Variants in ADGRF5 observed in about 807,000 individuals in gnomAD.
The protein encoded by ADGRF5 is G-protein coupled receptor 116.
A neutral mutation model predicts 132.3 loss-of-function variants in ADGRF5; 75 were observed. The observed-to-expected ratio is 0.57, with a 90% CI of 0.47 to 0.69. The LOEUF (loss-of-function observed/expected upper bound fraction) is 0.69. Ranked by LOEUF, ADGRF5 falls within the 30% of genes least tolerant of loss-of-function variation. The probability of loss-of-function intolerance (pLI) is 0.00; values close to 1 mark genes in which losing one functional copy is unlikely to be tolerated. For synonymous variants in ADGRF5, 629 were observed against 597.6 expected (o/e 1.05, Z -0.77); for missense variants, 1,516 against 1,630.6 (o/e 0.93, Z 1.21).
At chr6:46,941,386 A>G (rs1778039695) in intron 1 of ADGRF5, among the ~76,000 whole-genome samples, 1 of 114,884 alleles carries the variant, frequency 8.7e-6, no homozygotes, top group Admixed American at 9.6e-5. Flanking sequence ...AAAGAAAGAA[A>G]CAAAGAAAAG....
At chr6:46,896,973 C>A (rs1676440064) in intron 3 of ADGRF5, among the ~76,000 whole-genome samples, 1 of 151,872 alleles carries the variant, frequency 6.6e-6, no homozygotes, top group Non-Finnish European at 1.5e-5. Flanking sequence ...AGGTTATATG[C>A]AAATTGACAC....
At position 46,865,065 on chromosome 6, in the gene ADGRF5, G is replaced by A; in HGVS notation, c.1967C>T (p.Ser656Phe). 6.2e-7 allele frequency: 1 copy of A among 1,608,090 alleles called. No homozygotes were observed. Among genetic ancestry groups the A allele is most frequent in the Non-Finnish European group, 8.5e-7 (1 of 1,176,280 alleles). Residue 656 changes from serine (S) to phenylalanine (F), a missense_variant, in exon 14 of 21, where the codon TCT (serine) becomes TTT (phenylalanine). Coordinates refer to ENST00000283296, the MANE Select transcript of ADGRF5 (RefSeq NM_001098518.2). ...ACCAGGAACCAGATTCAGCTTCATA[G>A]ATGGGCTCCAGACTGAATTATTAGC... is the stretch of plus-strand genomic sequence containing the variant. ...NAANNSVWSP[S>F]MKLNLVPGEN...
intron 1 of ADGRF5, among the ~76,000 whole-genome samples, chr6:46,918,191 T>C (rs142751468): frequency 1.0e-3 from 155 of 152,362 alleles, no homozygotes; most frequent in African/African-American, 3.6e-3. Context: ...TTGTGAATCA[T>C]GGTGTGCCCT....
intron 17 of ADGRF5, among the ~76,000 whole-genome samples, chr6:46,857,775 A>G (rs571624734): frequency 2.3e-5 from 1 of 43,468 alleles, no homozygotes; most frequent in Non-Finnish European, 1.0e-4. Flanking sequence ...ATGAACAAGA[A>G]AGGGGCAATC....
intron 8 of ADGRF5, among the ~76,000 whole-genome samples, chr6:46,880,253 C>T (rs1007215525): frequency 1.8e-4 from 27 of 152,114 alleles, no homozygotes; most frequent in Admixed American, 1.7e-3. Context: ...GACAGGGTTT[C>T]CCGACTGGGG....
chr6:46,906,100 G>A (rs368661333), intron 2 of ADGRF5, among the ~76,000 whole-genome samples: 7 of 152,118 alleles, frequency 4.6e-5, no homozygotes, highest in East Asian at 1.9e-4. Flanking sequence ...CTTTACTTAA[G>A]CTAAACTCTC....
intron 1 of ADGRF5, among the ~76,000 whole-genome samples, chr6:46,941,890 T>A (rs985773672): frequency 6.6e-6 from 1 of 152,210 alleles, no homozygotes; most frequent in African/African-American, 2.4e-5. Context: ...TCCTTCCTTT[T>A]TTCTCTTCCG....
At chr6:46,860,970 G>T in intron 15 of ADGRF5, 76 bp from the exon 16 acceptor site, 1 of 1,142,958 alleles carries the variant, frequency 8.7e-7, no homozygotes, top group Non-Finnish European at 1.2e-6. Context: ...TCCATTCCTG[G>T]CAAAATCTCT....
upstream of ADGRF5, among the ~76,000 whole-genome samples, chr6:46,923,676 C>T (rs1457069662): frequency 2.0e-5 from 3 of 152,210 alleles, no homozygotes; most frequent in African/African-American, 4.8e-5. Flanking sequence ...GTCAAAGTGG[C>T]TGTCCCTTTC....
Position 46,863,398 on chromosome 6 carries a change from A to G in ADGRF5, c.1991-302T>C, listed in dbSNP as rs557332733. 2 of 474,250 alleles carry G rather than the reference A, an allele frequency of 4.2e-6. 1 individual carries two copies. Among genetic ancestry groups the G allele is most frequent in the African/African-American group, 4.0e-5 (2 of 50,608 alleles). The allele number at this position is 474,250 out of a possible 1,614,324, so 29.4% of individuals were successfully genotyped here. A position where few individuals can be genotyped will look rare whatever the true frequency, so the allele number is the denominator to read the frequency against. ...CATCTGGGAAGCTTTTGAAAACACCAGTGTCTGGGCTAAGTAAATCGGAAT... is the reference window on the plus strand; with the variant it reads ...CATCTGGGAAGCTTTTGAAAACACCGGTGTCTGGGCTAAGTAAATCGGAAT... On this transcript the variant is annotated intron_variant, in intron 14 of 20. Transcript: ENST00000283296.
Position 46,852,948 on chromosome 6 carries a change from T to TA in ADGRF5, c.*1043dup, listed in dbSNP as rs1221090094. On this transcript the variant is annotated 3_prime_UTR_variant, in exon 21 of 21. Transcript: ENST00000283296. ...ATAATATACAATGCTATAAGATTAT[T>TA]AAAATCTATTCTATAATGCACAGAG... The TA allele has an allele frequency of 6.6e-6, 1 of 152,616 alleles. No homozygotes were observed. Among genetic ancestry groups the TA allele is most frequent in the Non-Finnish European group, 1.5e-5 (1 of 68,034 alleles). 9.5% of individuals were successfully genotyped at this position (152,616 alleles called of 1,614,324 possible).
chr6:46,924,294 C>A (rs1475775274), upstream of ADGRF5, among the ~76,000 whole-genome samples: 1 of 152,180 alleles, frequency 6.6e-6, no homozygotes, highest in Non-Finnish European at 1.5e-5. Flanking sequence ...TTTGAAGTTA[C>A]CACACTGCAT....
At chr6:46,862,634 C>A (rs1769896131) in intron 15 of ADGRF5, among the ~76,000 whole-genome samples, 1 of 134,626 alleles carries the variant, frequency 7.4e-6, no homozygotes, top group Non-Finnish European at 1.5e-5. Flanking sequence ...ACTGAGAAGT[C>A]AAGGTTAAGG....
At position 46,865,098 on chromosome 6, in the gene ADGRF5, G is replaced by T; in HGVS notation, c.1934C>A (p.Thr645Asn). 6.2e-7 allele frequency: 1 copy of T among 1,610,524 alleles called. No homozygotes were observed. Among genetic ancestry groups the T allele is most frequent in the African/African-American group, 1.3e-5 (1 of 75,010 alleles). The change falls in exon 14 of 21, where the codon ACC (threonine) becomes AAC (asparagine). Residue 645 changes from threonine to asparagine, a missense_variant. Physicochemically the swap from Thr to Asn is moderately conservative, Grantham distance 65 (BLOSUM62 0). Coordinates refer to ENST00000283296, the MANE Select transcript of ADGRF5 (RefSeq NM_001098518.2). ...SKTVDVCCHF[T>N]NAANNSVWSP... Reference sequence around the variant, plus strand: ...CCAGACTGAATTATTAGCAGCATTGGTAAAGTGACAACACACATCAACAGT... The same window carrying T: ...CCAGACTGAATTATTAGCAGCATTGTTAAAGTGACAACACACATCAACAGT...
chr6:46,939,756 G>A (rs1777982218), intron 1 of ADGRF5, among the ~76,000 whole-genome samples: 1 of 152,150 alleles, frequency 6.6e-6, no homozygotes, highest in Non-Finnish European at 1.5e-5. Flanking sequence ...AAATCTTCAA[G>A]CATGTATTTA....
intron 4 of ADGRF5, among the ~76,000 whole-genome samples, chr6:46,885,518 T>C (rs375001888): frequency 6.6e-6 from 1 of 152,186 alleles, no homozygotes; most frequent in South Asian, 2.1e-4. Context: ...AGAGGTCTTG[T>C]CTTGATGGAA....
intron 17 of ADGRF5, among the ~76,000 whole-genome samples, chr6:46,857,539 C>A (rs1412560767): frequency 6.6e-6 from 1 of 152,206 alleles, no homozygotes; most frequent in African/African-American, 2.4e-5. Flanking sequence ...GTTCTTCTAA[C>A]AAACTGGCCT....
chr6:46,907,107 T>C (rs995381298), intron 1 of ADGRF5, among the ~76,000 whole-genome samples: 2 of 151,970 alleles, frequency 1.3e-5, no homozygotes, highest in Non-Finnish European at 2.9e-5. Flanking sequence ...TCATTTTCGC[T>C]ACATGCAATA....
intron 1 of ADGRF5, among the ~76,000 whole-genome samples, chr6:46,921,182 G>C (rs984285958): frequency 6.6e-6 from 1 of 152,126 alleles, no homozygotes; most frequent in Admixed American, 6.5e-5. Context: ...TGTGTGGGAG[G>C]CTGCAGCCTA....
Sources: allele counts gnomAD v4.1 joint callset (sites outside exome capture counted in the v4.1 genomes callset), GRCh38; gene constraint gnomAD v4.1.1; transcripts MANE v1.5; gene names NCBI Gene and HGNC (gene_info 2026-07-23, HGNC 2026-07-21).